DPYD: variants seen among roughly 807,000 people sequenced by gnomAD.
The protein encoded by DPYD is dihydropyrimidine dehydrogenase [NADP(+)].
A neutral mutation model predicts 116.2 loss-of-function variants in DPYD; 109 were observed. That is an observed-to-expected ratio of 0.94 (90% CI 0.80 to 1.10). The LOEUF is 1.10. Ranked by LOEUF, DPYD falls within the 50% of genes least tolerant of loss-of-function variation. The pLI, the probability that DPYD is intolerant of heterozygous loss-of-function variation, is 0.00. For missense variants in DPYD, 1,302 were observed against 1,254.5 expected, an observed-to-expected ratio of 1.04 and a Z score of -0.57; for synonymous variants, 440 against 432.0, an observed-to-expected ratio of 1.02 and a Z score of -0.23.
At chr1:97,860,654 C>A (rs1671068887) in intron 2 of DPYD, among the ~76,000 whole-genome samples, 1 of 151,616 alleles carries the variant, frequency 6.6e-6, no homozygotes, top group African/African-American at 2.4e-5. Flanking sequence ...ATACAAATGA[C>A]AAACCAGAAA....
chr1:97,462,427 C>T (rs1677079532), intron 13 of DPYD, among the ~76,000 whole-genome samples: 1 of 152,122 alleles, frequency 6.6e-6, no homozygotes, highest in Non-Finnish European at 1.5e-5. Flanking sequence ...AAATAAAATT[C>T]TAAGCCCCCC....
chr1:97,101,469 C>CAA lies in DPYD; in HGVS notation c.2623-2839_2623-2838dup, dbSNP rs59063384. 2.4e-4 allele frequency among the ~76,000 whole-genome samples: 22 copies of CAA among 91,056 alleles called. 1 individual carries two copies. Among genetic ancestry groups the CAA allele is most frequent in the Admixed American group, 8.9e-4 (7 of 7,884 alleles). 59.7% of individuals were successfully genotyped at this position (91,056 alleles called of 152,430 possible). On this transcript the variant is annotated intron_variant, in intron 20 of 22. Coordinates refer to ENST00000370192, the MANE Select transcript of DPYD (RefSeq NM_000110.4). ...GGCATACATTTGTGTTTTGATCTTG[C>CAA]AAAAAAAAAAAAAAAAAAAAAAAGG...
rs544924038 is a variant in DPYD at position 97,838,732 on chromosome 1, G to T, written c.151-10536C>A. Reference sequence around the variant, plus strand: ...CGGTGGCGGGCGCCTGTAGTCCCAGGTACTTGGGAGGCTGAGGCAGGAGAA... The same window carrying T: ...CGGTGGCGGGCGCCTGTAGTCCCAGTTACTTGGGAGGCTGAGGCAGGAGAA... On this transcript the variant is annotated intron_variant, in intron 2 of 22. Transcript: ENST00000370192. Among the ~76,000 whole-genome samples, 10 of 152,084 alleles carry T rather than the reference G, an allele frequency of 6.6e-5. No individual in the cohort carries two copies. The East Asian group carries it at 1.9e-3, about 29-fold the overall frequency.
At chr1:97,727,761 C>T (rs1270834218) in intron 4 of DPYD, among the ~76,000 whole-genome samples, 1 of 151,806 alleles carries the variant, frequency 6.6e-6, no homozygotes, top group Non-Finnish European at 1.5e-5. Context: ...ACTCAGAAAC[C>T]TATTAGGAGG....
At chr1:97,513,534 C>T (rs1411268636) in intron 13 of DPYD, among the ~76,000 whole-genome samples, 1 of 151,670 alleles carries the variant, frequency 6.6e-6, no homozygotes, top group Admixed American at 6.6e-5. Flanking sequence ...TTAAGAGCAT[C>T]CAAATTTCAA....
At chr1:97,498,756 CAT>C (rs1040709269) in intron 13 of DPYD, among the ~76,000 whole-genome samples, 8 of 151,764 alleles carry the variant, frequency 5.3e-5, no homozygotes, top group African/African-American at 1.9e-4. Flanking sequence ...AACCATTTAA[CAT>C]ATCACCTCAA....
intron 8 of DPYD, among the ~76,000 whole-genome samples, chr1:97,676,762 T>A (rs1660165628): frequency 6.6e-6 from 1 of 152,150 alleles, no homozygotes; most frequent in African/African-American, 2.4e-5. Flanking sequence ...CTCATGAGTG[T>A]CAAATAAACA....
chr1:97,403,447 C>T (rs946283575), intron 14 of DPYD, among the ~76,000 whole-genome samples: 1 of 151,974 alleles, frequency 6.6e-6, no homozygotes, highest in African/African-American at 2.4e-5. Context: ...CCATCTGGGT[C>T]TTTTGCTTTG....
At chr1:97,223,410 C>T (rs1170779595) in intron 19 of DPYD, among the ~76,000 whole-genome samples, 5 of 151,374 alleles carry the variant, frequency 3.3e-5, no homozygotes, top group African/African-American at 9.7e-5. Context: ...CACACACACA[C>T]ACACACACAA....
At chr1:97,114,764 T>A (rs1384174065) in intron 20 of DPYD, among the ~76,000 whole-genome samples, 1 of 152,072 alleles carries the variant, frequency 6.6e-6, no homozygotes, top group Non-Finnish European at 1.5e-5. Context: ...AAAAAACCCA[T>A]CATATTCAAT....
At chr1:97,208,408 CT>C (rs1178431131) in intron 19 of DPYD, among the ~76,000 whole-genome samples, 1 of 151,726 alleles carries the variant, frequency 6.6e-6, no homozygotes, top group African/African-American at 2.4e-5. Flanking sequence ...CTTCAGCCTC[CT>C]GGGTAGCTGG....
intron 2 of DPYD, among the ~76,000 whole-genome samples, chr1:97,877,571 ATC>A (rs1671989322): frequency 6.6e-6 from 1 of 152,016 alleles, no homozygotes; most frequent in Admixed American, 6.6e-5. Context: ...GTTGCAAAGA[ATC>A]TGTTTTTATT....
intron 3 of DPYD, among the ~76,000 whole-genome samples, chr1:97,779,410 A>G (rs977566475): frequency 1.1e-4 from 17 of 152,208 alleles, no homozygotes; most frequent in African/African-American, 3.8e-4. Flanking sequence ...GACTGTAAAC[A>G]TAAATACACT....
chr1:97,762,225 G>A (rs1320529231), intron 3 of DPYD, among the ~76,000 whole-genome samples: 1 of 152,114 alleles, frequency 6.6e-6, no homozygotes, highest in Non-Finnish European at 1.5e-5. Flanking sequence ...ATTCCAGAGA[G>A]GACATAGTCA....
At chr1:97,080,357 T>C (rs1198072334) in intron 22 of DPYD, among the ~76,000 whole-genome samples, 1 of 152,038 alleles carries the variant, frequency 6.6e-6, no homozygotes, top group East Asian at 1.9e-4. Context: ...TTCAATTATA[T>C]ATGTGTGTAT....
At chr1:97,734,488 T>C (rs553559232) in intron 4 of DPYD, among the ~76,000 whole-genome samples, 2 of 152,264 alleles carry the variant, frequency 1.3e-5, no homozygotes, top group South Asian at 4.1e-4. Flanking sequence ...TTTTAAAGTT[T>C]CTTTCTTCCA....
At chr1:97,156,909 C>A (rs1275371104) in intron 20 of DPYD, among the ~76,000 whole-genome samples, 3 of 151,836 alleles carry the variant, frequency 2.0e-5, no homozygotes, top group Non-Finnish European at 1.5e-5. Flanking sequence ...AAATGTGGCA[C>A]ATATACACCA....
At chr1:97,362,087 A>C (rs1670762133) in intron 16 of DPYD, among the ~76,000 whole-genome samples, 1 of 152,258 alleles carries the variant, frequency 6.6e-6, no homozygotes. Context: ...CTTTAAGCTG[A>C]TAAGCAACTT....
chr1:97,483,513 G>A (rs887780838), intron 13 of DPYD, among the ~76,000 whole-genome samples: 2 of 152,072 alleles, frequency 1.3e-5, no homozygotes, highest in Non-Finnish European at 2.9e-5. Flanking sequence ...GGCTGGTGGG[G>A]AGAACATTAG....
Sources: gnomAD v4.1 joint callset for allele counts (sites outside exome capture counted in the v4.1 genomes callset) on GRCh38, gnomAD v4.1.1 for gene constraint, MANE v1.5 for transcripts, NCBI Gene and HGNC (gene_info 2026-07-23, HGNC 2026-07-21) for gene names.